SFSWAP: variants seen among roughly 807,000 people sequenced by gnomAD.
SFSWAP encodes splicing factor SWAP, also known as splicing factor, suppressor of white-apricot homolog.
SFSWAP carries 17 observed loss-of-function variants against 100.7 expected under a neutral mutation model. That is an observed-to-expected ratio of 0.17 (90% confidence interval 0.12 to 0.25). The LOEUF (loss-of-function observed/expected upper bound fraction) is 0.25. Among genes scored for constraint, SFSWAP ranks in the 10% least tolerant of loss-of-function variants. The pLI is 1.00. For missense variants in SFSWAP, 1,005 were observed against 1,262.6 expected (o/e 0.80, Z 3.09); for synonymous variants, 504 against 510.1 (o/e 0.99, Z 0.16).
intron 6 of SFSWAP, among the ~76,000 whole-genome samples, 154 bp downstream of exon 6, chr12:131,727,206 G>C (rs190616740): frequency 9.2e-5 from 14 of 152,318 alleles, no homozygotes; most frequent in African/African-American, 3.1e-4. Context: ...TTTTAGCTGG[G>C]TGACAAAGCA....
rs1378541985 is a variant in SFSWAP at position 131,794,252 on chromosome 12, A to G, written c.2535-2926A>G. Reference sequence around the variant, plus strand: ...TTGCTGAGCAAAAGCAGCCAGACACAGGCCAGCCACAGTGGCTCACACCTG... The same window carrying G: ...TTGCTGAGCAAAAGCAGCCAGACACGGGCCAGCCACAGTGGCTCACACCTG... On this transcript the variant is annotated intron_variant, in intron 15 of 17. Coordinates refer to ENST00000261674, the MANE Select transcript of SFSWAP (RefSeq NM_004592.4). This position sits in a 1 kb window ranked among gnomAD's most constrained non-coding sequence, Gnocchi z 4.8. 6.6e-6 allele frequency among the ~76,000 whole-genome samples: 1 copy of G among 151,570 alleles called. No homozygotes were observed. The highest frequency in any genetic ancestry group is 6.6e-5 in the Admixed American group (1 of 15,232).
intron 7 of SFSWAP, among the ~76,000 whole-genome samples, chr12:131,738,917 G>T: frequency 3.9e-5 from 1 of 25,752 alleles, no homozygotes. Context: ...TTTGAGACAG[G>T]GTCTCTCGCT....
chr12:131,722,080 A>T (rs1566004788), intron 4 of SFSWAP, among the ~76,000 whole-genome samples: 2 of 152,218 alleles, frequency 1.3e-5, no homozygotes, highest in Non-Finnish European at 2.9e-5. Flanking sequence ...AATTGTGGTT[A>T]AGTAGACTAT....
At chr12:131,728,675 G>C (rs1028126020) in intron 7 of SFSWAP, among the ~76,000 whole-genome samples, 1 of 152,016 alleles carries the variant, frequency 6.6e-6, no homozygotes, top group Non-Finnish European at 1.5e-5. Flanking sequence ...GACCGGCAAA[G>C]GTAGCTGGCT....
At chr12:131,757,664 C>T (rs919779145) in intron 11 of SFSWAP, 1 of 152,182 alleles carries the variant, frequency 6.6e-6, no homozygotes, top group South Asian at 2.1e-4. Context: ...ATAAGAGGAC[C>T]GTCCTTTGCA....
chr12:131,745,537 A>T (rs980609325), intron 7 of SFSWAP, among the ~76,000 whole-genome samples: 2 of 152,214 alleles, frequency 1.3e-5, no homozygotes, highest in Admixed American at 6.5e-5. Flanking sequence ...CAGTAATAAA[A>T]ACAATTATTC....
chr12:131,759,615 C>T (rs530701618), intron 11 of SFSWAP, among the ~76,000 whole-genome samples: 3 of 151,410 alleles, frequency 2.0e-5, no homozygotes, highest in Non-Finnish European at 2.9e-5. Flanking sequence ...CTGGCTAACA[C>T]GGTGAAACCC....
At chr12:131,746,150 A>T (rs976700797) in intron 7 of SFSWAP, among the ~76,000 whole-genome samples, 1 of 152,162 alleles carries the variant, frequency 6.6e-6, no homozygotes, top group African/African-American at 2.4e-5. Flanking sequence ...ATCTCAGGTG[A>T]GTATTGGGAA....
intron 11 of SFSWAP, 56 bp from the exon 12 acceptor site, chr12:131,764,400 C>A: frequency 7.1e-7 from 1 of 1,406,844 alleles, no homozygotes; most frequent in Non-Finnish European, 1.0e-6. Flanking sequence ...GGTAGCAGGG[C>A]CTGCAAAGAT....
intron 5 of SFSWAP, among the ~76,000 whole-genome samples, chr12:131,726,382 G>A (rs1380305899): frequency 6.6e-6 from 1 of 152,110 alleles, no homozygotes; most frequent in Non-Finnish European, 1.5e-5. Flanking sequence ...GCTAATTTTT[G>A]TATTTTTAGT....
chr12:131,780,073 A>T (rs1884377766), intron 14 of SFSWAP, among the ~76,000 whole-genome samples: 1 of 152,224 alleles, frequency 6.6e-6, no homozygotes, highest in Non-Finnish European at 1.5e-5. Context: ...GGCGTGAGCC[A>T]CTGTGCCCAG....
At chr12:131,723,576 C>T (rs1361125361) in intron 4 of SFSWAP, among the ~76,000 whole-genome samples, 1 of 151,990 alleles carries the variant, frequency 6.6e-6, no homozygotes, top group Non-Finnish European at 1.5e-5. Context: ...TTTTTTTCTC[C>T]CCTAACCCCG....
intron 7 of SFSWAP, among the ~76,000 whole-genome samples, chr12:131,732,995 A>G (rs1246675793): frequency 6.6e-6 from 1 of 152,166 alleles, no homozygotes; most frequent in African/African-American, 2.4e-5. Context: ...GCAGCCAGTT[A>G]CTTTTCCTGA....
chr12:131,769,705 C>T (rs943727785), intron 13 of SFSWAP, among the ~76,000 whole-genome samples: 5 of 152,188 alleles, frequency 3.3e-5, no homozygotes, highest in African/African-American at 1.2e-4. Context: ...TGGCTCACTG[C>T]AACCTCCGCC....
rs1053422793 is a variant in SFSWAP, at chr12:131,778,240, A to C, written c.2318A>C (p.Lys773Thr). ...TCTCGAACAAGATCACGTTCTCCCA[A>C]GTACCATTCGTCATCCAAGTCCAGG... ...KRSRTRSRSP[K>T]YHSSSKSRSR... The change falls in exon 14 of 18, where the codon AAG becomes ACG. Residue 773 changes from lysine to threonine, a missense_variant. Coordinates refer to ENST00000261674, the MANE Select transcript of SFSWAP (RefSeq NM_004592.4). The surrounding 1 kb of genome is among the most constrained non-coding windows in gnomAD (Gnocchi z 4.2). 1.9e-6 allele frequency: 3 copies of C among 1,614,216 alleles called. No homozygotes were observed. Among genetic ancestry groups the C allele is most frequent in the Non-Finnish European group, 2.5e-6 (3 of 1,180,040 alleles).
At chr12:131,779,765 T>G (rs1387184643) in intron 14 of SFSWAP, among the ~76,000 whole-genome samples, 1 of 152,212 alleles carries the variant, frequency 6.6e-6, no homozygotes, top group African/African-American at 2.4e-5. Context: ...ATGCTTGCTT[T>G]CTTTACTTAT....
At chr12:131,743,893 T>C (rs1880887362) in intron 7 of SFSWAP, among the ~76,000 whole-genome samples, 1 of 152,256 alleles carries the variant, frequency 6.6e-6, no homozygotes, top group Non-Finnish European at 1.5e-5. Flanking sequence ...TCTTGACTTC[T>C]GGGCACTTGC....
Position 131,778,353 on chromosome 12 carries a change from C to T in SFSWAP, c.2408+23C>T. On this transcript the variant is annotated intron_variant, in intron 14 of 17. Transcript: ENST00000261674. The surrounding 1 kb of genome is among the most constrained non-coding windows in gnomAD (Gnocchi z 4.2). ...GAGGTGGGTGTGAAGGGGGCAGCAC[C>T]TCTGGTACCCTCATGACCCCCATGT... 3 of 1,604,198 alleles carry T rather than the reference C, an allele frequency of 1.9e-6. No homozygotes were observed. Among genetic ancestry groups the T allele is most frequent in the Non-Finnish European group, 2.6e-6 (3 of 1,174,652 alleles).
At position 131,714,605 on chromosome 12, in the gene SFSWAP, A is replaced by G. The variant is rs567597949; in HGVS notation, c.389-217A>G. On this transcript the variant is annotated intron_variant, in intron 2 of 17. Coordinates refer to ENST00000261674, the MANE Select transcript of SFSWAP (RefSeq NM_004592.4). This position sits in a 1 kb window ranked among gnomAD's most constrained non-coding sequence, Gnocchi z 6.0. ...TTTTCTCAGCAGGAAGAAATTTTCC[A>G]CAAAAGACGTGTATTCAGCTGTCTG... is the stretch of plus-strand genomic sequence containing the variant. 5.5e-6 allele frequency: 3 copies of G among 545,616 alleles called. No homozygotes were observed. The South Asian group carries it at 7.5e-5, about 14-fold the overall frequency. The allele number at this position is 545,616 out of a possible 1,614,324, so 33.8% of individuals were successfully genotyped here. A position where few individuals can be genotyped will look rare whatever the true frequency, so the allele number is the denominator to read the frequency against.
Sources: gnomAD v4.1 joint callset for allele counts (sites outside exome capture counted in the v4.1 genomes callset) on GRCh38, gnomAD v4.1.1 for gene constraint, Gnocchi (gnomAD v3.1) non-coding constraint, MANE v1.5 for transcripts, NCBI Gene and HGNC (gene_info 2026-07-23, HGNC 2026-07-21) for gene names.